The following PRAMEF20 variants were observed in gnomAD, a reference collection of about 807,000 sequenced individuals.
PRAMEF20 encodes PRAME family member 20.
In PRAMEF20, 27 loss-of-function variants were observed where a neutral mutation model predicts 32.4. The observed-to-expected ratio is 0.83, with a 90% CI of 0.61 to 1.15. The LOEUF (loss-of-function observed/expected upper bound fraction) is 1.15. PRAMEF20 is among the 50% of genes most tolerant of loss of function. PRAMEF20 has a pLI of 0.00. For missense variants in PRAMEF20, 604 were observed against 584.5 expected (o/e 1.03, Z -0.34); for synonymous variants, 256 against 235.4 (o/e 1.09, Z -0.80).
At chr1:13,417,187 C>T (rs1415649971) in intron 1 of PRAMEF20, among the ~76,000 whole-genome samples, 3 of 152,048 alleles carry the variant, frequency 2.0e-5, no homozygotes, top group Non-Finnish European at 4.4e-5. Context: ...GTTGCCGCTG[C>T]TGACTGGGGT....
upstream of PRAMEF20, among the ~76,000 whole-genome samples, chr1:13,413,062 T>TAGA (rs1569863262): frequency 6.6e-6 from 1 of 150,936 alleles, no homozygotes. Context: ...TCTGATAAAT[T>TAGA]TGTGACCAAG....
chr1:13,412,807 C>A (rs1405903645), upstream of PRAMEF20, among the ~76,000 whole-genome samples: 1 of 152,062 alleles, frequency 6.6e-6, no homozygotes, highest in Non-Finnish European at 1.5e-5. Flanking sequence ...GCCTGTAATC[C>A]CAGCTACATG....
At chr1:13,414,354 C>A (rs1641142667), upstream of PRAMEF20, among the ~76,000 whole-genome samples, 1 of 152,092 alleles carries the variant, frequency 6.6e-6, no homozygotes, top group Non-Finnish European at 1.5e-5. Context: ...CCACCTCACC[C>A]AGCCTTCTTG....
At chr1:13,414,349 T>G (rs1355266430), upstream of PRAMEF20, among the ~76,000 whole-genome samples, 1 of 151,636 alleles carries the variant, frequency 6.6e-6, no homozygotes, top group African/African-American at 2.4e-5. Flanking sequence ...GTGAGCCACC[T>G]CACCCAGCCT....
chr1:13,411,253 CG>C, the PRAMEF20 span, among the ~76,000 whole-genome samples: 2 of 152,050 alleles, frequency 1.3e-5, no homozygotes, highest in African/African-American at 4.8e-5. Context: ...CCCTTGAGCC[CG>C]GAAGTTTGAG....
intron 1 of PRAMEF20, among the ~76,000 whole-genome samples, chr1:13,417,365 A>C (rs1248886106): frequency 6.6e-6 from 1 of 152,056 alleles, no homozygotes; most frequent in African/African-American, 2.4e-5. Context: ...AAGACAGGGA[A>C]GTTCCCCAAG....
At chr1:13,418,464 G>A in exon 2 of PRAMEF20, 4 of 1,613,914 alleles carry the variant, frequency 2.5e-6, no homozygotes, top group Non-Finnish European at 3.4e-6. Flanking sequence ...TCCAGGAGGT[G>A]GAAGTGAATT....
chr1:13,410,672 A>T, the PRAMEF20 span: 1 of 148,878 alleles, frequency 6.7e-6, no homozygotes, highest in African/African-American at 2.5e-5. Flanking sequence ...TTTCCTTTAA[A>T]TGCAGTTTTG....
chr1:13,417,951 T>TGTGTGTGTGTGC (rs1557476949), intron 1 of PRAMEF20, among the ~76,000 whole-genome samples, 171 bp from the exon 3 acceptor site: 2 of 147,532 alleles, frequency 1.4e-5, no homozygotes, highest in African/African-American at 5.0e-5. Flanking sequence ...TGTGTGTGTG[T>TGTGTGTGTGTGC]GTTTAGTAGA....
At chr1:13,416,769 G>C (rs2100433145) in intron 1 of PRAMEF20, 128 bp downstream of exon 2, 1 of 1,561,836 alleles carries the variant, frequency 6.4e-7, no homozygotes, top group Admixed American at 2.0e-5. Flanking sequence ...AGGAAGCTTA[G>C]AGAGGCCTTG....
At chr1:13,414,803 A>G (rs61781194), upstream of PRAMEF20, among the ~76,000 whole-genome samples, 36,934 of 151,626 alleles carry the variant, frequency 0.24, 4,772 homozygotes, top group South Asian at 0.35. Flanking sequence ...TGTAATATAT[A>G]TATATAGAGA....
rs972934773 is a variant in PRAMEF20 at position 13,419,858 on chromosome 1, C to T, written c.867-839C>T. ...CACAGCTTGGTGAACATGAATGATC[C>T]CATGTCTAATTCCCTGTCATAATGG... On this transcript the variant is annotated intron_variant, in intron 2 of 2. Coordinates refer to ENST00000602960, the Ensembl canonical transcript of PRAMEF20. Among the ~76,000 whole-genome samples the T allele has an allele frequency of 2.7e-4, 41 of 152,216 alleles. No individual in the cohort carries two copies. In the South Asian group the frequency reaches 3.7e-3, roughly 14 times the overall value.
At chr1:13,419,112 G>A (rs1036084123) in intron 2 of PRAMEF20, among the ~76,000 whole-genome samples, 16 of 152,106 alleles carry the variant, frequency 1.1e-4, no homozygotes, top group Non-Finnish European at 4.4e-5. Context: ...ACACAGCAAA[G>A]ACTCCTGTCT....
At chr1:13,415,233 C>T (rs1641157168), upstream of PRAMEF20, among the ~76,000 whole-genome samples, 1 of 152,244 alleles carries the variant, frequency 6.6e-6, no homozygotes, top group African/African-American at 2.4e-5. Flanking sequence ...GTGTGTACCA[C>T]CATGCCCAGC....
chr1:13,416,250 G>A, upstream of PRAMEF20: 3 of 1,598,050 alleles, frequency 1.9e-6, no homozygotes, highest in Admixed American at 1.7e-5. Context: ...CATTGCCAGA[G>A]CAATGACTTT....
chr1:13,417,160 G>T (rs922377752), intron 1 of PRAMEF20, among the ~76,000 whole-genome samples: 5 of 152,148 alleles, frequency 3.3e-5, no homozygotes, highest in African/African-American at 4.8e-5. Flanking sequence ...CCACAGCGTG[G>T]AAGGGGACCT....
rs772800878 is a variant in PRAMEF20, at chr1:13,416,651, C to T, written c.287+10C>T. The T allele has an allele frequency of 8.6e-5, 138 of 1,613,850 alleles. No homozygotes were observed. Among genetic ancestry groups the T allele is most frequent in the Non-Finnish European group, 1.1e-4 (124 of 1,179,952 alleles). ...ACAGGGTTCGTCTCAGGTGAGGTGG[C>T]CCAAGTGGGCTGGTGGGGAGGGCCC... On this transcript the variant is annotated intron_variant, in intron 1 of 2. Coordinates refer to ENST00000602960, the Ensembl canonical transcript of PRAMEF20.
intron 2 of PRAMEF20, among the ~76,000 whole-genome samples, chr1:13,420,093 A>G (rs1328199800): frequency 1.3e-5 from 2 of 151,980 alleles, no homozygotes; most frequent in Non-Finnish European, 2.9e-5. Context: ...CAATGGTCTC[A>G]TGTGGCCCAG....
upstream of PRAMEF20, among the ~76,000 whole-genome samples, chr1:13,416,159 G>C (rs900798775): frequency 0.013 from 2,014 of 152,374 alleles, 17 homozygotes; most frequent in Non-Finnish European, 0.021. Flanking sequence ...AGATGCTTAT[G>C]CTGATGCAGC....
Sources: gnomAD v4.1 joint callset for allele counts (sites outside exome capture counted in the v4.1 genomes callset) on GRCh38, gnomAD v4.1.1 for gene constraint, MANE v1.5 for transcripts, NCBI Gene and HGNC (gene_info 2026-07-23, HGNC 2026-07-21) for gene names.